The following RYR3 variants were observed in gnomAD, a reference collection of about 807,000 sequenced individuals.
RYR3 encodes the protein ryanodine receptor 3.
A neutral mutation model predicts 584.3 loss-of-function variants in RYR3; 207 were observed. That is an observed-to-expected ratio of 0.35 (90% confidence interval 0.32 to 0.40). RYR3 has a LOEUF of 0.40. RYR3 is among the 10% of genes least tolerant of loss of function. RYR3 has a pLI of 1.00. For synonymous variants in RYR3, 2,416 were observed against 2,248.5 expected, an observed-to-expected ratio of 1.07 and a Z score of -2.11; for missense variants, 5,616 against 6,089.2, an observed-to-expected ratio of 0.92 and a Z score of 2.59.
intron 3 of RYR3, among the ~76,000 whole-genome samples, chr15:33,506,859 A>G (rs1421818207): frequency 1.3e-5 from 2 of 152,330 alleles, no homozygotes; most frequent in African/African-American, 4.8e-5. Flanking sequence ...TTAGAAGAAA[A>G]TATTCAGCAG....
In RYR3 at chr15:33,755,137, C is replaced by T. The variant is rs2071685352; in HGVS notation, c.8472C>T (p.Ile2824=). The change falls in exon 58 of 104, where the codon ATC becomes ATT. Residue 2824 remains isoleucine, a synonymous_variant. Transcript: ENST00000634891. ...TTGCCTATAAGTTCTTGAAGAAGAT[C>T]CTGAAATACGTTGATTCTGCTCAAG... ...KRFAYKFLKK[I]LKYVDSAQEF... 1.9e-6 allele frequency: 3 copies of T among 1,612,812 alleles called. No homozygotes were observed. Among genetic ancestry groups the T allele is most frequent in the African/African-American group, 2.7e-5 (2 of 75,008 alleles).
intron 16 of RYR3, among the ~76,000 whole-genome samples, chr15:33,598,588 T>G (rs977551591): frequency 7.3e-5 from 11 of 151,320 alleles, no homozygotes; most frequent in African/African-American, 2.2e-4. Context: ...TACCTAGTGA[T>G]GGGTCTTAGG....
At chr15:33,704,318 A>G (rs978503838) in intron 42 of RYR3, among the ~76,000 whole-genome samples, 4 of 152,168 alleles carry the variant, frequency 2.6e-5, no homozygotes, top group Non-Finnish European at 5.9e-5. Context: ...ATCTGCTGAA[A>G]GAAGTCCCAG....
At chr15:33,549,801 G>C (rs1445263998) in intron 9 of RYR3, among the ~76,000 whole-genome samples, 1 of 152,150 alleles carries the variant, frequency 6.6e-6, no homozygotes, top group East Asian at 1.9e-4. Context: ...GGTTTGGAAA[G>C]GCTTTCCCAG....
intron 18 of RYR3, among the ~76,000 whole-genome samples, chr15:33,612,486 G>T (rs553313469): frequency 3.0e-4 from 45 of 152,032 alleles, no homozygotes; most frequent in South Asian, 4.2e-4. Context: ...TCAGCCTCCC[G>T]AGTAGCTGGG....
intron 1 of RYR3, among the ~76,000 whole-genome samples, chr15:33,419,423 A>G (rs1292687389): frequency 6.6e-6 from 1 of 152,170 alleles, no homozygotes; most frequent in African/African-American, 2.4e-5. Flanking sequence ...ATTGTGTGCC[A>G]GGAAGTAATC....
intron 65 of RYR3, among the ~76,000 whole-genome samples, chr15:33,782,987 T>C (rs2074474670): frequency 6.6e-6 from 1 of 152,242 alleles, no homozygotes; most frequent in African/African-American, 2.4e-5. Context: ...TTTGCTTTTC[T>C]TCTGTACCCT....
chr15:33,515,211 T>C (rs915928101), intron 3 of RYR3, among the ~76,000 whole-genome samples: 6 of 152,344 alleles, frequency 3.9e-5, no homozygotes, highest in Admixed American at 3.9e-4. Context: ...GCTTTGGAGC[T>C]GATTCTGTAA....
intron 95 of RYR3, 30 bp from the exon 96 acceptor site, chr15:33,853,525 C>G (rs1413313173): frequency 1.2e-6 from 2 of 1,609,392 alleles, no homozygotes; most frequent in Non-Finnish European, 1.7e-6. Flanking sequence ...GGCGTGTGGC[C>G]TGAGCTCACC....
chr15:33,335,526 CAG>C (rs1970859420), intron 1 of RYR3, among the ~76,000 whole-genome samples: 1 of 152,016 alleles, frequency 6.6e-6, no homozygotes, highest in African/African-American at 2.4e-5. Flanking sequence ...TGGGGCCTAT[CAG>C]AGGGTGGAGG....
chr15:33,700,158 C>G (rs1011442401), intron 41 of RYR3, among the ~76,000 whole-genome samples: 2 of 152,210 alleles, frequency 1.3e-5, no homozygotes, highest in African/African-American at 4.8e-5. Context: ...GGGGGCACAG[C>G]TCTTCCCAGC....
At chr15:33,666,159 C>A (rs185730276) in intron 36 of RYR3, among the ~76,000 whole-genome samples, 338 of 152,256 alleles carry the variant, frequency 2.2e-3, no homozygotes, top group African/African-American at 7.9e-3. Flanking sequence ...CATGCACCAC[C>A]ATGACCAACT....
chr15:33,628,883 T>C (rs1237836998), intron 21 of RYR3, among the ~76,000 whole-genome samples: 1 of 152,212 alleles, frequency 6.6e-6, no homozygotes, highest in East Asian at 1.9e-4. Context: ...AATCAGAACT[T>C]GTTTAATATG....
At chr15:33,644,175 A>C in intron 27 of RYR3, 136 bp from the exon 28 acceptor site, 1 of 662,976 alleles carries the variant, frequency 1.5e-6, no homozygotes, top group East Asian at 2.7e-5. Flanking sequence ...GCCAGGAAGA[A>C]AGAAAGAAAG....
rs200426331 is a variant in RYR3, at chr15:33,539,495, T to C, written c.546+33T>C. On this transcript the variant is annotated intron_variant, in intron 6 of 103. Transcript: ENST00000634891. ...CCTCATAATATAAGAGTCTTCTGTT[T>C]TCAGAAATTTTTCCTTTAGGAATAG... 1,232 of 1,379,742 alleles carry C rather than the reference T, an allele frequency of 8.9e-4. 1 individual carries two copies. The highest frequency in any genetic ancestry group is 6.5e-4 in the Non-Finnish European group (644 of 988,918). 85.5% of individuals were successfully genotyped at this position (1,379,742 alleles called of 1,614,324 possible).
At chr15:33,672,365 A>C (rs1215780215) in intron 38 of RYR3, among the ~76,000 whole-genome samples, 2 of 152,196 alleles carry the variant, frequency 1.3e-5, no homozygotes, top group Non-Finnish European at 2.9e-5. Context: ...CACACCCGAG[A>C]GGCCAGCCCT....
intron 34 of RYR3, 47 bp downstream of exon 34, chr15:33,660,470 G>T: frequency 7.4e-7 from 1 of 1,357,136 alleles, no homozygotes. Context: ...AGGGGCAGGT[G>T]AGGCAGAGCC....
chr15:33,526,123 A>T (rs563132683), intron 3 of RYR3, among the ~76,000 whole-genome samples: 1 of 152,298 alleles, frequency 6.6e-6, no homozygotes, highest in East Asian at 1.9e-4. Flanking sequence ...GTATTGAAAC[A>T]TTTGTGTGTG....
chr15:33,853,915 T>C (rs1410615199), intron 96 of RYR3, among the ~76,000 whole-genome samples: 1 of 152,070 alleles, frequency 6.6e-6, no homozygotes. Context: ...CAGGTTGGGC[T>C]GGGCGCAGTG....
Sources: allele counts gnomAD v4.1 joint callset (sites outside exome capture counted in the v4.1 genomes callset), GRCh38; gene constraint gnomAD v4.1.1; transcripts MANE v1.5; gene names NCBI Gene and HGNC (gene_info 2026-07-23, HGNC 2026-07-21).